Variants in EPHA3 observed in about 807,000 individuals in gnomAD.
EPHA3 encodes ephrin type-A receptor 3.
EPHA3 carries 42 observed loss-of-function variants against 107.1 expected under a neutral mutation model. That is an observed-to-expected ratio of 0.39 (90% confidence interval 0.31 to 0.51). The LOEUF is 0.51. EPHA3 is among the 20% of genes least tolerant of loss of function. EPHA3 has a pLI of 0.78. For missense variants in EPHA3, 1,183 were observed against 1,211.2 expected (o/e 0.98, Z 0.35); for synonymous variants, 461 against 424.8 (o/e 1.09, Z -1.05).
chr3:89,232,983 T>G (rs1178557947), intron 3 of EPHA3, among the ~76,000 whole-genome samples: 1 of 152,280 alleles, frequency 6.6e-6, no homozygotes, highest in South Asian at 2.1e-4. Context: ...GAAAATGAAC[T>G]CCTACTTTAT....
intron 13 of EPHA3, among the ~76,000 whole-genome samples, chr3:89,435,456 T>C (rs545345852): frequency 6.9e-6 from 1 of 145,016 alleles, no homozygotes; most frequent in Non-Finnish European, 1.5e-5. Flanking sequence ...TATATATATA[T>C]AAATATATAT....
chr3:89,374,262 GGGTCCTT>G (rs1412258978), intron 5 of EPHA3, among the ~76,000 whole-genome samples: 1 of 151,888 alleles, frequency 6.6e-6, no homozygotes, highest in Non-Finnish European at 1.5e-5. Flanking sequence ...GGAATTAAAT[GGGTCCTT>G]GCCATGTAGA....
At chr3:89,162,737 G>C (rs1704978922) in intron 2 of EPHA3, among the ~76,000 whole-genome samples, 1 of 152,206 alleles carries the variant, frequency 6.6e-6, no homozygotes, top group South Asian at 2.1e-4. Flanking sequence ...CTGGAACTGA[G>C]AGGGGCTTTT....
chr3:89,430,462 T>A (rs1709544101), intron 12 of EPHA3, among the ~76,000 whole-genome samples: 1 of 152,140 alleles, frequency 6.6e-6, no homozygotes, highest in Non-Finnish European at 1.5e-5. Context: ...TAAAATATTA[T>A]GATAAATATT....
chr3:89,324,487 A>G (rs9880313), intron 3 of EPHA3, among the ~76,000 whole-genome samples: 60,679 of 151,478 alleles, frequency 0.4, 12,830 homozygotes, highest in Non-Finnish European at 0.47. Flanking sequence ...GCTCCCAGCT[A>G]GTTTATTTTT....
chr3:89,324,331 C>T (rs1039890057), intron 3 of EPHA3, among the ~76,000 whole-genome samples: 1 of 150,994 alleles, frequency 6.6e-6, no homozygotes, highest in East Asian at 2.0e-4. Context: ...ACATGCCGTG[C>T]TATTTTTTTT....
chr3:89,466,564 G>T (rs1323509355), intron 15 of EPHA3, among the ~76,000 whole-genome samples: 1 of 131,672 alleles, frequency 7.6e-6, no homozygotes, highest in East Asian at 2.0e-4. Context: ...TCTGAAAAGC[G>T]CAATATTCGG....
intron 2 of EPHA3, among the ~76,000 whole-genome samples, chr3:89,208,446 G>GA (rs1216408191): frequency 4.7e-5 from 5 of 107,378 alleles, no homozygotes; most frequent in Non-Finnish European, 9.0e-5. Flanking sequence ...AAGAAAGAAA[G>GA]AAAGAAAGAA....
intron 2 of EPHA3, among the ~76,000 whole-genome samples, chr3:89,206,599 T>C (rs1706112487): frequency 6.6e-6 from 1 of 152,168 alleles, no homozygotes; most frequent in South Asian, 2.1e-4. Flanking sequence ...GAGAAGACTC[T>C]ATAAAACACT....
intron 3 of EPHA3, among the ~76,000 whole-genome samples, chr3:89,297,247 G>T (rs1056728518): frequency 3.2e-4 from 49 of 152,120 alleles, no homozygotes; most frequent in African/African-American, 1.2e-3. Flanking sequence ...TTTAGCTTCT[G>T]TGGGCTTTTA....
At chr3:89,327,422 T>A (rs778483324) in intron 3 of EPHA3, among the ~76,000 whole-genome samples, 3 of 152,100 alleles carry the variant, frequency 2.0e-5, no homozygotes, top group Non-Finnish European at 4.4e-5. Flanking sequence ...TCATAAAAAT[T>A]TTCTTTTCAG....
In EPHA3 at chr3:89,449,382, T is replaced by G. The variant is rs762042362; in HGVS notation, c.2496+8T>G. On this transcript the variant is annotated splice_region_variant and intron_variant, in intron 14 of 16. Transcript: ENST00000336596. ...GAGATGTCCAATCAGGATGTAAGTA[T>G]TTGTGGTCTATGAGTTATGAGTTCA... 1 of 1,580,442 alleles carries G rather than the reference T, an allele frequency of 6.3e-7. No homozygotes were observed. Among genetic ancestry groups the G allele is most frequent in the Non-Finnish European group, 8.6e-7 (1 of 1,157,716 alleles).
chr3:89,126,475 GC>G (rs955848940), intron 1 of EPHA3, among the ~76,000 whole-genome samples: 1 of 151,564 alleles, frequency 6.6e-6, no homozygotes, highest in Non-Finnish European at 1.5e-5. Flanking sequence ...CCATATGCAT[GC>G]TATATTTTAC....
At position 89,447,573 on chromosome 3, in the gene EPHA3, A is replaced by G. The variant is rs551116767; in HGVS notation, c.2347-1652A>G. ...GCATCTGTGATTAAATAAAAATTTG[A>G]CATTTTAGCTTCCTCTTCCATTATA... On this transcript the variant is annotated intron_variant, in intron 13 of 16. Coordinates refer to ENST00000336596, the MANE Select transcript of EPHA3 (RefSeq NM_005233.6). Among the ~76,000 whole-genome samples the G allele has an allele frequency of 2.8e-3, 421 of 152,292 alleles. 1 individual carries two copies. The highest frequency in any genetic ancestry group is 9.5e-3 in the African/African-American group (396 of 41,572).
intron 5 of EPHA3, among the ~76,000 whole-genome samples, chr3:89,361,059 T>G (rs1708081318): frequency 6.6e-6 from 1 of 151,024 alleles, no homozygotes; most frequent in African/African-American, 2.4e-5. Context: ...ACTTGGCAAG[T>G]CTTTCTTCAG....
intron 15 of EPHA3, among the ~76,000 whole-genome samples, chr3:89,467,792 C>G (rs1241110341): frequency 1.3e-5 from 2 of 152,166 alleles, no homozygotes; most frequent in East Asian, 3.9e-4. Context: ...TTCCCCTGAG[C>G]AAATATGTAA....
intron 3 of EPHA3, among the ~76,000 whole-genome samples, chr3:89,215,061 A>C (rs1193942743): frequency 6.6e-6 from 1 of 151,902 alleles, no homozygotes; most frequent in Non-Finnish European, 1.5e-5. Flanking sequence ...TGAATCAAAA[A>C]TAAGTAAGCA....
In EPHA3 at chr3:89,452,300, G is replaced by A. The variant is rs529950574; in HGVS notation, c.2690+1930G>A. Reference sequence around the variant, plus strand: ...CCTCCATACATTTTTCCATATGGCTGTTCCAATTTACATTCCCTTACATGC... The same window carrying A: ...CCTCCATACATTTTTCCATATGGCTATTCCAATTTACATTCCCTTACATGC... On this transcript the variant is annotated intron_variant, in intron 15 of 16. Transcript: ENST00000336596. Among the ~76,000 whole-genome samples the A allele has an allele frequency of 3.3e-5, 5 of 152,150 alleles. No individual in the cohort carries two copies. In the South Asian group the frequency reaches 1.0e-3, roughly 32 times the overall value.
At chr3:89,270,195 A>G (rs559235928) in intron 3 of EPHA3, among the ~76,000 whole-genome samples, 17 of 152,200 alleles carry the variant, frequency 1.1e-4, no homozygotes, top group Admixed American at 1.1e-3. Flanking sequence ...TCTGCATGGT[A>G]CCTGACACTT....
Sources: gnomAD v4.1 joint callset for allele counts (sites outside exome capture counted in the v4.1 genomes callset) on GRCh38, gnomAD v4.1.1 for gene constraint, MANE v1.5 for transcripts, NCBI Gene and HGNC (gene_info 2026-07-23, HGNC 2026-07-21) for gene names.